The following RABGAP1L variants were observed in gnomAD, a reference collection of about 807,000 sequenced individuals.
RABGAP1L encodes RAB GTPase activating protein 1 like.
RABGAP1L carries 63 observed loss-of-function variants against 137.7 expected under a neutral mutation model. That is an observed-to-expected ratio of 0.46 (90% CI 0.37 to 0.56). The LOEUF (loss-of-function observed/expected upper bound fraction) is 0.56, where lower values mean the gene tolerates loss of function less well. Among genes scored for constraint, RABGAP1L ranks in the 20% least tolerant of loss-of-function variants. The pLI is 0.00. For synonymous variants in RABGAP1L, 431 were observed against 433.7 expected (o/e 0.99, Z 0.08); for missense variants, 1,095 against 1,244.0 (o/e 0.88, Z 1.80).
intron 19 of RABGAP1L, among the ~76,000 whole-genome samples, chr1:174,946,934 A>ATG (rs1474737934): frequency 5.7e-5 from 4 of 69,832 alleles, no homozygotes; most frequent in African/African-American, 2.6e-4. Flanking sequence ...ATATATATAT[A>ATG]TATATATGTG....
chr1:174,968,005 T>C (rs1669796290), intron 20 of RABGAP1L, among the ~76,000 whole-genome samples: 1 of 152,102 alleles, frequency 6.6e-6, no homozygotes, highest in Non-Finnish European at 1.5e-5. Context: ...TTAACTTCTC[T>C]GACAGCCTTC....
intron 1 of RABGAP1L, among the ~76,000 whole-genome samples, chr1:174,182,444 A>T (rs1666454151): frequency 6.6e-6 from 1 of 152,206 alleles, no homozygotes; most frequent in Admixed American, 6.5e-5. Flanking sequence ...ATTATCATAA[A>T]ATACTTTGGT....
intron 17 of RABGAP1L, among the ~76,000 whole-genome samples, chr1:174,738,475 T>A (rs983794667): frequency 6.6e-6 from 1 of 152,188 alleles, no homozygotes; most frequent in Non-Finnish European, 1.5e-5. Context: ...GTTTCTAGGG[T>A]CTGCAGAGTG....
chr1:174,483,036 A>G (rs1428480353), intron 13 of RABGAP1L, among the ~76,000 whole-genome samples: 2 of 152,180 alleles, frequency 1.3e-5, no homozygotes, highest in Non-Finnish European at 2.9e-5. Flanking sequence ...TATGGATTAC[A>G]TGAGATATTT....
rs945208772 is a variant in RABGAP1L at position 174,285,038 on chromosome 1, T to G, written c.1323+6259T>G. Among the ~76,000 whole-genome samples the G allele has an allele frequency of 7.2e-5, 11 of 152,090 alleles. 1 individual carries two copies. Among genetic ancestry groups the G allele is most frequent in the Non-Finnish European group, 4.4e-5 (3 of 68,010 alleles). ...AGTTTTGTTTTTTGTTGTTTTGTGA[T>G]GGAGTGTTGCTCTTGTTGCCCAGGC... On this transcript the variant is annotated intron_variant, in intron 10 of 25. Transcript: ENST00000681986.
intron 13 of RABGAP1L, among the ~76,000 whole-genome samples, chr1:174,616,060 G>T (rs1671821221): frequency 6.6e-6 from 1 of 152,212 alleles, no homozygotes. Flanking sequence ...CCCTGCTTTG[G>T]CTCGCACACA....
At chr1:174,955,140 T>C (rs1433354129) in intron 19 of RABGAP1L, among the ~76,000 whole-genome samples, 1 of 152,218 alleles carries the variant, frequency 6.6e-6, no homozygotes, top group East Asian at 1.9e-4. Flanking sequence ...TAGAGGTCTC[T>C]GGAGATGGAG....
intron 12 of RABGAP1L, among the ~76,000 whole-genome samples, chr1:174,383,934 C>G (rs557931321): frequency 2.6e-5 from 4 of 152,278 alleles, no homozygotes; most frequent in African/African-American, 7.2e-5. Context: ...CAATTCCAGT[C>G]CCACTGCTGT....
At chr1:174,623,587 T>C (rs752312036) in intron 13 of RABGAP1L, among the ~76,000 whole-genome samples, 1 of 152,178 alleles carries the variant, frequency 6.6e-6, no homozygotes, top group East Asian at 1.9e-4. Context: ...TAATGGATGT[T>C]ACTTTTCTGG....
Position 174,376,138 on chromosome 1 carries a change from A to G in RABGAP1L, c.1559+5066A>G, listed in dbSNP as rs531361149. ...AGAGAAAGACAGAGAGAGATAGAGA[A>G]AGAGAGAAGGAAGGAGAGAGAGAAA... On this transcript the variant is annotated intron_variant, in intron 12 of 25. Transcript: ENST00000681986. Among the ~76,000 whole-genome samples, 4 of 151,348 alleles carry G rather than the reference A, an allele frequency of 2.6e-5. No homozygotes were observed. In the South Asian group the frequency reaches 8.4e-4, roughly 32 times the overall value.
intron 13 of RABGAP1L, among the ~76,000 whole-genome samples, chr1:174,489,681 A>G (rs556365964): frequency 6.6e-6 from 1 of 152,310 alleles, no homozygotes; most frequent in South Asian, 2.1e-4. Flanking sequence ...ATTACTGGGT[A>G]TATACCCAAA....
chr1:174,248,002 A>G (rs981863537), intron 5 of RABGAP1L, among the ~76,000 whole-genome samples: 1 of 152,204 alleles, frequency 6.6e-6, no homozygotes, highest in Non-Finnish European at 1.5e-5. Flanking sequence ...TTTATATTTC[A>G]TTTAGGAGTA....
At chr1:174,564,755 T>C (rs1356442812) in intron 13 of RABGAP1L, among the ~76,000 whole-genome samples, 1 of 152,142 alleles carries the variant, frequency 6.6e-6, no homozygotes, top group Non-Finnish European at 1.5e-5. Context: ...AGATGTGAAA[T>C]ATATGTAAAA....
At chr1:174,254,918 C>T (rs1672993233) in intron 7 of RABGAP1L, among the ~76,000 whole-genome samples, 1 of 152,170 alleles carries the variant, frequency 6.6e-6, no homozygotes, top group Non-Finnish European at 1.5e-5. Context: ...ACCACACTGT[C>T]TTCCACAATG....
In RABGAP1L at chr1:174,782,754, C is replaced by G. The variant is rs115387181; in HGVS notation, c.2212-29078C>G. On this transcript the variant is annotated intron_variant, in intron 18 of 25. Coordinates refer to ENST00000681986, the MANE Select transcript of RABGAP1L (RefSeq NM_001366446.1). ...TCCTAAACCTAGCTGTGGACGGTGACCACACCCACCTTTAAACACGGGGCT... is the reference window on the plus strand; with the variant it reads ...TCCTAAACCTAGCTGTGGACGGTGAGCACACCCACCTTTAAACACGGGGCT... 5.5e-3 allele frequency among the ~76,000 whole-genome samples: 839 copies of G among 152,242 alleles called. 8 individuals are homozygous for G. The highest frequency in any genetic ancestry group is 0.019 in the African/African-American group (806 of 41,534).
At chr1:174,850,602 A>T (rs967895584) in intron 19 of RABGAP1L, among the ~76,000 whole-genome samples, 4 of 152,220 alleles carry the variant, frequency 2.6e-5, no homozygotes, top group Admixed American at 6.5e-5. Flanking sequence ...TTACGTTTTC[A>T]GTAAATGTAG....
chr1:174,541,555 T>C (rs1665432330), intron 13 of RABGAP1L, among the ~76,000 whole-genome samples: 1 of 152,144 alleles, frequency 6.6e-6, no homozygotes, highest in African/African-American at 2.4e-5. Context: ...GGCAGGCATA[T>C]CACGAGGTCA....
Position 174,713,202 on chromosome 1 carries a change from TC to T in RABGAP1L, c.2169+10948del, listed in dbSNP as rs1033322783. Among the ~76,000 whole-genome samples the T allele has an allele frequency of 3.3e-4, 50 of 152,212 alleles. 1 individual carries two copies. Among genetic ancestry groups the T allele is most frequent in the African/African-American group, 1.2e-3 (48 of 41,434 alleles). ...GATTAGAAGCTTTATATATACCTCTTCCTGACTACATCTTCTTTGGTCTTCC... is the reference window on the plus strand; with the variant it reads ...GATTAGAAGCTTTATATATACCTCTTCTGACTACATCTTCTTTGGTCTTCC... On this transcript the variant is annotated intron_variant, in intron 17 of 25. Coordinates refer to ENST00000681986, the MANE Select transcript of RABGAP1L (RefSeq NM_001366446.1).
At position 174,833,420 on chromosome 1, in the gene RABGAP1L, G is replaced by GTATATATATATA. The variant is rs1558127218; in HGVS notation, c.2340+21461_2340+21462insATATATATATAT. Among the ~76,000 whole-genome samples, 194 of 88,902 alleles carry GTATATATATATA rather than the reference G, an allele frequency of 2.2e-3. 6 individuals are homozygous for GTATATATATATA. Among genetic ancestry groups the GTATATATATATA allele is most frequent in the African/African-American group, 6.2e-3 (185 of 29,766 alleles). 58.3% of individuals were successfully genotyped at this position (88,902 alleles called of 152,430 possible). The stretch of plus-strand genomic sequence containing the variant: ...TGTGTGTATGTGTGTATGTGTGTGT[G>GTATATATATATA]TGTATATATATATGTGTGTGTGTGT... On this transcript the variant is annotated intron_variant, in intron 19 of 25. Coordinates refer to ENST00000681986, the MANE Select transcript of RABGAP1L (RefSeq NM_001366446.1).
Sources: allele counts gnomAD v4.1 joint callset (sites outside exome capture counted in the v4.1 genomes callset), GRCh38; gene constraint gnomAD v4.1.1; transcripts MANE v1.5; gene names NCBI Gene and HGNC (gene_info 2026-07-23, HGNC 2026-07-21).